The following EVI2B variants were observed in gnomAD, a reference collection of about 807,000 sequenced individuals.
EVI2B encodes ecotropic viral integration site 2B.
In EVI2B, 4 loss-of-function variants were observed where a neutral mutation model predicts 6.6. That is an observed-to-expected ratio of 0.61 (90% CI 0.30 to 1.39). The LOEUF is 1.39. Among genes scored for constraint, EVI2B ranks in the 40% most tolerant of loss-of-function variants. The pLI is 0.08. For missense variants in EVI2B, 484 were observed against 516.6 expected (o/e 0.94, Z 0.61); for synonymous variants, 181 against 186.8 (o/e 0.97, Z 0.25).
Position 31,305,091 on chromosome 17 carries a change from A to C in EVI2B, c.519T>G (p.Thr173=), listed in dbSNP as rs760159568. 2 of 1,613,968 alleles carry C rather than the reference A, an allele frequency of 1.2e-6. No individual in the cohort carries two copies. Among genetic ancestry groups the C allele is most frequent in the Non-Finnish European group, 1.7e-6 (2 of 1,180,034 alleles). The change falls in exon 2 of 2, where the codon ACT becomes ACG. Residue 173 remains threonine, a synonymous_variant. Coordinates refer to ENST00000330927, the MANE Select transcript of EVI2B (RefSeq NM_006495.4). The stretch of plus-strand genomic sequence containing the variant: ...GTGTACTCCTAGGTGAATTTTTGAC[A>C]GTTGATGTTGGTTGTGTGGATGGAT... ...VHNPSTQPTS[T]VKNSPRSTPG...
rs1463778399 is a variant in EVI2B, at chr17:31,304,417, A to G, written c.1193T>C (p.Leu398Pro). ...TGGCAGGGGCAAGTTAAGTGAGTCA[A>G]GCGGTGGAAATGATTGTATTATCTC... ...KSEIIQSFPP[L>P]DSLNLPLPPV... is the part of the protein sequence containing the mutation. Residue 398 changes from leucine to proline, a missense_variant, in exon 2 of 2, where the codon CTT (leucine) becomes CCT (proline). By Grantham distance (98) the Leu-to-Pro change is moderately conservative. Transcript: ENST00000330927. 2.5e-6 allele frequency: 4 copies of G among 1,614,184 alleles called. No individual in the cohort carries two copies. The highest frequency in any genetic ancestry group is 1.1e-5 in the South Asian group (1 of 91,082).
intron 1 of EVI2B, among the ~76,000 whole-genome samples, chr17:31,310,003 G>A (rs533557315): frequency 6.6e-6 from 1 of 152,288 alleles, no homozygotes; most frequent in East Asian, 1.9e-4. Flanking sequence ...TCCAGAGAAG[G>A]AGAAGAAAGA....
Position 31,304,247 on chromosome 17 carries a change from A to G in EVI2B, c.*16T>C. 1 of 1,561,216 alleles carries G rather than the reference A, an allele frequency of 6.4e-7. No homozygotes were observed. Among genetic ancestry groups the G allele is most frequent in the East Asian group, 2.3e-5 (1 of 44,438 alleles). ...ATTTGAGGATGGAAGATCAGCTAAA[A>G]AGCAAGTTGTAATATTTATAACAGT... On this transcript the variant is annotated 3_prime_UTR_variant, in exon 2 of 2. Coordinates refer to ENST00000330927, the MANE Select transcript of EVI2B (RefSeq NM_006495.4).
chr17:31,305,080 G>A lies in EVI2B; in HGVS notation c.530C>T (p.Ser177Leu). The A allele has an allele frequency of 6.2e-7, 1 of 1,614,158 alleles. No individual in the cohort carries two copies. Among genetic ancestry groups the A allele is most frequent in the Non-Finnish European group, 8.5e-7 (1 of 1,180,036 alleles). The change falls in exon 2 of 2, where the codon TCA becomes TTA. Residue 177 changes from serine to leucine, a missense_variant. Coordinates refer to ENST00000330927, the MANE Select transcript of EVI2B (RefSeq NM_006495.4). ...GATAAATCCTGGTGTACTCCTAGGT[G>A]AATTTTTGACAGTTGATGTTGGTTG... ...STQPTSTVKN[S>L]PRSTPGFILD...
At chr17:31,308,403 A>G (rs1274522275) in intron 1 of EVI2B, among the ~76,000 whole-genome samples, 1 of 151,992 alleles carries the variant, frequency 6.6e-6, no homozygotes, top group African/African-American at 2.4e-5. Flanking sequence ...AGCCTCCCAA[A>G]ATGCTGGGAT....
chr17:31,313,961 G>A lies in EVI2B; in HGVS notation c.-22+18C>T, dbSNP rs1167094692. 1.8e-5 allele frequency: 7 copies of A among 397,778 alleles called. No homozygotes were observed. The Admixed American group carries it at 3.1e-4, about 18-fold the overall frequency. 24.6% of individuals were successfully genotyped at this position (397,778 alleles called of 1,614,324 possible). On this transcript the variant is annotated intron_variant, in intron 1 of 1. Transcript: ENST00000330927. The stretch of plus-strand genomic sequence containing the variant: ...ATATAAAGCAAGATCAAACCAAATT[G>A]TGTGAAAATTTTCTTACCTCAGCTG...
chr17:31,307,709 A>C lies in EVI2B; in HGVS notation c.-21-2079T>G, dbSNP rs182197756. Among the ~76,000 whole-genome samples the C allele has an allele frequency of 1.6e-4, 24 of 152,354 alleles. No homozygotes were observed. The East Asian group carries it at 2.3e-3, about 15-fold the overall frequency. On this transcript the variant is annotated intron_variant, in intron 1 of 1. Transcript: ENST00000330927. ...TTTTGGTATAATATACTTGTTTTGC[A>C]CATCATCAAACACAATGGCAACTAT...
chr17:31,304,440 C>G lies in EVI2B; in HGVS notation c.1170G>C (p.Glu390Asp). 1 of 1,614,112 alleles carries G rather than the reference C, an allele frequency of 6.2e-7. No homozygotes were observed. ...LNQDCGDHKSEIIQSFPPLDS... is the reference protein window; with the variant it reads ...LNQDCGDHKSDIIQSFPPLDS... Reference sequence around the variant, plus strand: ...CAAGCGGTGGAAATGATTGTATTATCTCAGATTTATGATCTCCACAGTCTT... The same window carrying G: ...CAAGCGGTGGAAATGATTGTATTATGTCAGATTTATGATCTCCACAGTCTT... Residue 390 changes from glutamate to aspartate, a missense_variant, in exon 2 of 2, where the codon GAG becomes GAC. Coordinates refer to ENST00000330927, the MANE Select transcript of EVI2B (RefSeq NM_006495.4).
At position 31,304,150 on chromosome 17, in the gene EVI2B, T is replaced by C. The variant is rs1156365296; in HGVS notation, c.*113A>G. On this transcript the variant is annotated 3_prime_UTR_variant, in exon 2 of 2. Coordinates refer to ENST00000330927, the MANE Select transcript of EVI2B (RefSeq NM_006495.4). ...TAGGCTCTGAGCAGATTTCAGATAG[T>C]TCCTGAATAAAAATCAAAATTGACT... 1 of 1,100,102 alleles carries C rather than the reference T, an allele frequency of 9.1e-7. No homozygotes were observed. The highest frequency in any genetic ancestry group is 1.3e-6 in the Non-Finnish European group (1 of 773,728). The allele number at this position is 1,100,102 out of a possible 1,614,324, so 68.1% of individuals were successfully genotyped here.
At position 31,304,716 on chromosome 17, in the gene EVI2B, A is replaced by T; in HGVS notation, c.894T>A (p.Ile298=). 1 of 1,614,192 alleles carries T rather than the reference A, an allele frequency of 6.2e-7. No homozygotes were observed. The highest frequency in any genetic ancestry group is 8.5e-7 in the Non-Finnish European group (1 of 1,180,012). ...CTGTTTTGGGGTTGTTGGAGTCTTC[A>T]ATGTTTTCACTTGATTCAAACAACT... ...EIKLFESSEN[I]EDSNNPKTEK... The change falls in exon 2 of 2, where the codon ATT becomes ATA. Residue 298 remains isoleucine (I), a synonymous_variant. Transcript: ENST00000330927.
chr17:31,312,286 A>G lies in EVI2B; in HGVS notation c.-22+1693T>C, dbSNP rs141861812. 8.4e-3 allele frequency among the ~76,000 whole-genome samples: 1,280 copies of G among 151,982 alleles called. 24 individuals carry two copies. The highest frequency in any genetic ancestry group is 0.03 in the African/African-American group (1,221 of 41,366). On this transcript the variant is annotated intron_variant, in intron 1 of 1. Coordinates refer to ENST00000330927, the MANE Select transcript of EVI2B (RefSeq NM_006495.4). Reference sequence around the variant, plus strand: ...GCACTTTGGGAGGCCGAGGTGGGCCAATCACTTGAGGTCAGGAGTTGAAGA... The same window carrying G: ...GCACTTTGGGAGGCCGAGGTGGGCCGATCACTTGAGGTCAGGAGTTGAAGA...
At chr17:31,313,049 G>A (rs948886969) in intron 1 of EVI2B, among the ~76,000 whole-genome samples, 3 of 151,994 alleles carry the variant, frequency 2.0e-5, no homozygotes, top group Non-Finnish European at 4.4e-5. Context: ...TTTTGGCTTA[G>A]TAAGCTTTTA....
At chr17:31,311,514 A>AG (rs1248432829) in intron 1 of EVI2B, among the ~76,000 whole-genome samples, 2 of 152,234 alleles carry the variant, frequency 1.3e-5, no homozygotes. Context: ...AAACCGTAAA[A>AG]GAAAAAACCA....
chr17:31,308,922 G>T (rs2068800289), intron 1 of EVI2B, among the ~76,000 whole-genome samples: 1 of 152,136 alleles, frequency 6.6e-6, no homozygotes, highest in Admixed American at 6.5e-5. Flanking sequence ...CCTTGAACAA[G>T]ATTATAAAGA....
At chr17:31,306,797 T>TAA (rs200513481) in intron 1 of EVI2B, among the ~76,000 whole-genome samples, 2 of 139,086 alleles carry the variant, frequency 1.4e-5, no homozygotes, top group Non-Finnish European at 1.6e-5. Flanking sequence ...TTTAGGAGAT[T>TAA]AAAAAAAAAA....
rs371005826 is a variant in EVI2B, at chr17:31,304,813, C to T, written c.797G>A (p.Arg266His). Residue 266 changes from arginine (R) to histidine (H), a missense_variant, in exon 2 of 2, where the codon CGT (arginine) becomes CAT (histidine). By Grantham distance (29) the Arg-to-His change is conservative. Coordinates refer to ENST00000330927, the MANE Select transcript of EVI2B (RefSeq NM_006495.4). ...GGGTGTAAGTGAAATGATTGATGTACGTTTTGTGGATATTTCATTTTCTCT... is the reference window on the plus strand; with the variant it reads ...GGGTGTAAGTGAAATGATTGATGTATGTTTTGTGGATATTTCATTTTCTCT... ...NIRENEISTKRTSIISLTPWK... is the reference protein window; with the variant it reads ...NIRENEISTKHTSIISLTPWK... 38 of 1,613,800 alleles carry T rather than the reference C, an allele frequency of 2.4e-5. No homozygotes were observed. Among genetic ancestry groups the T allele is most frequent in the Admixed American group, 3.3e-5 (2 of 59,974 alleles).
intron 1 of EVI2B, among the ~76,000 whole-genome samples, chr17:31,313,722 A>ATGTGTGTGTGTG (rs60267436): frequency 2.7e-4 from 37 of 139,050 alleles, no homozygotes; most frequent in African/African-American, 1.0e-3. Context: ...AAAAAAAAAT[A>ATGTGTGTGTGTG]TGTGTGTGTG....
At chr17:31,310,957 T>TC (rs1315161660) in intron 1 of EVI2B, among the ~76,000 whole-genome samples, 9 of 151,116 alleles carry the variant, frequency 6.0e-5, no homozygotes, top group African/African-American at 1.7e-4. Context: ...TTTTTTTTTT[T>TC]CCGTTTGGAG....
chr17:31,310,811 G>A (rs906393020), intron 1 of EVI2B, among the ~76,000 whole-genome samples: 2 of 151,770 alleles, frequency 1.3e-5, no homozygotes, highest in African/African-American at 4.8e-5. Context: ...GGCACTTTGA[G>A]GTTTAAATCT....
Sources: allele counts gnomAD v4.1 joint callset (sites outside exome capture counted in the v4.1 genomes callset), GRCh38; gene constraint gnomAD v4.1.1; transcripts MANE v1.5; gene names NCBI Gene and HGNC (gene_info 2026-07-23, HGNC 2026-07-21).